The following CPXM2 variants were observed in gnomAD, a reference collection of about 807,000 sequenced individuals.
CPXM2 encodes the protein carboxypeptidase X, M14 family member 2, also known as inactive carboxypeptidase-like protein X2.
Under a neutral mutation model 86.1 loss-of-function variants are expected in CPXM2, and 66 were observed. That is an observed-to-expected ratio of 0.77 (90% CI 0.63 to 0.94). The LOEUF is 0.94. Among genes scored for constraint, CPXM2 ranks in the 40% least tolerant of loss-of-function variants. The pLI is 0.00. For missense variants in CPXM2, 948 were observed against 1,026.3 expected (o/e 0.92, Z 1.04); for synonymous variants, 388 against 400.2 (o/e 0.97, Z 0.36).
At chr10:123,779,534 C>G (rs1322024859) in intron 7 of CPXM2, among the ~76,000 whole-genome samples, 1 of 152,226 alleles carries the variant, frequency 6.6e-6, no homozygotes, top group South Asian at 2.1e-4. Flanking sequence ...ATTTAAAAAT[C>G]TGGATCCCCA....
chr10:123,836,136 G>A (rs146347892), intron 4 of CPXM2, among the ~76,000 whole-genome samples: 5 of 152,160 alleles, frequency 3.3e-5, no homozygotes, highest in African/African-American at 7.2e-5. Flanking sequence ...TCCCCGCAAC[G>A]GGGATGGTGC....
intron 4 of CPXM2, among the ~76,000 whole-genome samples, chr10:123,803,528 T>A (rs537325174): frequency 6.6e-6 from 1 of 152,350 alleles, no homozygotes; most frequent in African/African-American, 2.4e-5. Context: ...TCCAAGATGA[T>A]AAAGATATTA....
chr10:123,842,122 T>C (rs1233532283), intron 4 of CPXM2, among the ~76,000 whole-genome samples: 1 of 152,208 alleles, frequency 6.6e-6, no homozygotes, highest in Non-Finnish European at 1.5e-5. Context: ...CAGGCAGATC[T>C]TTCTCTCCAC....
chr10:123,904,460 C>T (rs1411545462), intron 2 of CPXM2, among the ~76,000 whole-genome samples: 1 of 152,210 alleles, frequency 6.6e-6, no homozygotes, highest in Non-Finnish European at 1.5e-5. Context: ...GTTCCCACCT[C>T]ACCGACCAGT....
At chr10:123,878,506 CGTGTGTGTGTGTGTGT>C (rs200009107) in intron 2 of CPXM2, among the ~76,000 whole-genome samples, 59 of 134,880 alleles carry the variant, frequency 4.4e-4, no homozygotes, top group Non-Finnish European at 4.7e-4. Context: ...CAAATTCAGA[CGTGTGTGTGTGTGTGT>C]GTGTGTGTGT....
chr10:123,854,385 A>ATATATATT (rs1491122567), intron 3 of CPXM2, among the ~76,000 whole-genome samples: 1 of 86,484 alleles, frequency 1.2e-5, no homozygotes, highest in African/African-American at 5.2e-5. Flanking sequence ...ATATATATAT[A>ATATATATT]ATATATATAT....
intron 3 of CPXM2, among the ~76,000 whole-genome samples, chr10:123,862,326 T>C (rs1195685665): frequency 6.6e-6 from 1 of 152,190 alleles, no homozygotes. Flanking sequence ...TCCTGTCCTT[T>C]CTGGACCAAC....
At chr10:123,908,256 G>T (rs1385810220) in intron 2 of CPXM2, among the ~76,000 whole-genome samples, 1 of 151,694 alleles carries the variant, frequency 6.6e-6, no homozygotes, top group African/African-American at 2.4e-5. Flanking sequence ...AGGATGGGGT[G>T]GGGGCTTGTG....
intron 2 of CPXM2, among the ~76,000 whole-genome samples, chr10:123,866,325 AGGCCG>A (rs1390257840): frequency 2.0e-5 from 3 of 152,182 alleles, no homozygotes; most frequent in South Asian, 4.1e-4. Context: ...GCACTTTGGG[AGGCCG>A]AGGCAGGTGG....
At chr10:123,853,968 T>C (rs1321540986) in intron 3 of CPXM2, among the ~76,000 whole-genome samples, 1 of 151,990 alleles carries the variant, frequency 6.6e-6, no homozygotes, top group Non-Finnish European at 1.5e-5. Context: ...CCTCTCCTTT[T>C]TTCTCCCCTC....
chr10:123,896,872 G>C (rs1488788123), upstream of CPXM2, among the ~76,000 whole-genome samples: 2 of 152,154 alleles, frequency 1.3e-5, no homozygotes, highest in African/African-American at 4.8e-5. Context: ...TTGTAAGCTG[G>C]GTTCTCTGTT....
chr10:123,881,232 T>TCCC lies in CPXM2; in HGVS notation c.305-924_305-923insGGG, dbSNP rs745377217. Among the ~76,000 whole-genome samples the TCCC allele has an allele frequency of 8.8e-4, 57 of 64,790 alleles. 6 individuals are homozygous for TCCC. Among genetic ancestry groups the TCCC allele is most frequent in the African/African-American group, 1.5e-3 (15 of 9,778 alleles). 42.5% of individuals were successfully genotyped at this position (64,790 alleles called of 152,430 possible). On this transcript the variant is annotated intron_variant, in intron 1 of 13. Coordinates refer to ENST00000241305, the MANE Select transcript of CPXM2 (RefSeq NM_198148.3). ...TGTTCCTTCTCCTGGAGCACCCTTC[T>TCCC]CTTCCCTTCCCTTCCCTTCCCTTCC... is the stretch of plus-strand genomic sequence containing the variant.
intron 2 of CPXM2, among the ~76,000 whole-genome samples, chr10:123,925,188 C>A (rs1183891339): frequency 6.6e-6 from 1 of 152,138 alleles, no homozygotes; most frequent in Non-Finnish European, 1.5e-5. Flanking sequence ...TGCCCTAAAT[C>A]TGCTAGATTT....
chr10:123,840,861 A>G (rs894675553), intron 4 of CPXM2, among the ~76,000 whole-genome samples: 2 of 152,262 alleles, frequency 1.3e-5, no homozygotes, highest in Non-Finnish European at 2.9e-5. Flanking sequence ...TGCCAGGTCC[A>G]TCTCACTTAT....
intron 13 of CPXM2, chr10:123,752,625 C>G: frequency 1.0e-6 from 1 of 985,192 alleles, no homozygotes; most frequent in Non-Finnish European, 1.2e-6. Context: ...GTTGGCACGA[C>G]AGGATCATGG....
In CPXM2 at chr10:123,891,788, G is replaced by C. The variant is rs898232252; in HGVS notation, c.-129C>G. On this transcript the variant is annotated 5_prime_UTR_variant, in exon 1 of 14. Transcript: ENST00000241305. This position sits in a 1 kb window ranked among gnomAD's most constrained non-coding sequence, Gnocchi z 5.6. ...AGCGGCGCGCTTGGGCGCGGGAGGCGGCCGGCTGGCTGCGCGTGTGACCGG... is the reference window on the plus strand; with the variant it reads ...AGCGGCGCGCTTGGGCGCGGGAGGCCGCCGGCTGGCTGCGCGTGTGACCGG... 5.7e-6 allele frequency: 3 copies of C among 523,548 alleles called. No individual in the cohort carries two copies. The highest frequency in any genetic ancestry group is 6.7e-4 in the Middle Eastern group (1 of 1,484). The allele number at this position is 523,548 out of a possible 1,614,324, so 32.4% of individuals were successfully genotyped here.
intron 2 of CPXM2, among the ~76,000 whole-genome samples, chr10:123,903,561 A>G (rs773838648): frequency 1.5e-4 from 23 of 152,148 alleles, no homozygotes; most frequent in Non-Finnish European, 2.8e-4. Flanking sequence ...CACCTTTGCC[A>G]TCTCCAGCCA....
At chr10:123,923,161 G>A (rs1363096579) in intron 2 of CPXM2, among the ~76,000 whole-genome samples, 6 of 152,204 alleles carry the variant, frequency 3.9e-5, no homozygotes, top group East Asian at 1.9e-4. Flanking sequence ...ATTGGCCTGC[G>A]TTCTTCAAAA....
chr10:123,765,222 T>C (rs1384520713), intron 10 of CPXM2, among the ~76,000 whole-genome samples: 1 of 152,260 alleles, frequency 6.6e-6, no homozygotes, highest in Non-Finnish European at 1.5e-5. Flanking sequence ...AGAATTCTTA[T>C]ACGTCCCTTA....
Sources: allele counts gnomAD v4.1 joint callset (sites outside exome capture counted in the v4.1 genomes callset), GRCh38; gene constraint gnomAD v4.1.1; non-coding constraint Gnocchi (gnomAD v3.1); transcripts MANE v1.5; gene names NCBI Gene and HGNC (gene_info 2026-07-23, HGNC 2026-07-21).